The following SAMMSON variants were observed in gnomAD, a reference collection of about 807,000 sequenced individuals.
The protein encoded by SAMMSON is survival associated mitochondrial melanoma specific oncogenic non-coding RNA, also known as long intergenic non-protein coding RNA 1212.
rs529517376 is a variant in SAMMSON, at chr3:70,028,723, G to A, written n.417+15051G>A. Reference sequence around the variant, plus strand: ...AGAATTATTTCTTAGTCTAGGGGATGAAGCCTCTCCAAATATTTTCATTCT... The same window carrying A: ...AGAATTATTTCTTAGTCTAGGGGATAAAGCCTCTCCAAATATTTTCATTCT... On this transcript the variant is annotated intron_variant and non_coding_transcript_variant, in intron 3 of 9. Transcript: ENST00000642114. 2.6e-5 allele frequency among the ~76,000 whole-genome samples: 4 copies of A among 152,344 alleles called. No individual in the cohort carries two copies. In the South Asian group the frequency reaches 6.2e-4, roughly 24 times the overall value.
chr3:70,035,553 GT>G (rs1373700133), intron 3 of SAMMSON, among the ~76,000 whole-genome samples: 20 of 152,250 alleles, frequency 1.3e-4, no homozygotes, highest in Admixed American at 6.5e-4. Flanking sequence ...TTCAGCAAAT[GT>G]TATGCAACTC....
chr3:70,378,233 A>C (rs1358841917), intron 9 of SAMMSON, among the ~76,000 whole-genome samples: 1 of 151,886 alleles, frequency 6.6e-6, no homozygotes, highest in Non-Finnish European at 1.5e-5. Context: ...AATACAGTTA[A>C]ATAATGTCTC....
At chr3:70,213,886 C>T (rs1701377115) in intron 4 of SAMMSON, among the ~76,000 whole-genome samples, 1 of 151,914 alleles carries the variant, frequency 6.6e-6, no homozygotes, top group Non-Finnish European at 1.5e-5. Context: ...TGAAAACATA[C>T]TATGGCTGAA....
chr3:70,309,371 A>G (rs944356923), intron 7 of SAMMSON, among the ~76,000 whole-genome samples: 7 of 152,318 alleles, frequency 4.6e-5, no homozygotes, highest in South Asian at 2.1e-4. Flanking sequence ...GCTATTACCA[A>G]TGGTTCAAAG....
At chr3:70,004,702 G>T (rs929826908) in intron 1 of SAMMSON, among the ~76,000 whole-genome samples, 1 of 152,154 alleles carries the variant, frequency 6.6e-6, no homozygotes, top group Non-Finnish European at 1.5e-5. Flanking sequence ...CAACATAACT[G>T]CATTGGTCAC....
intron 4 of SAMMSON, among the ~76,000 whole-genome samples, chr3:70,109,432 GCAAATAGCA>G (rs1217513259): frequency 6.6e-6 from 1 of 152,084 alleles, no homozygotes; most frequent in African/African-American, 2.4e-5. Flanking sequence ...GCTAAAGTTG[GCAAATAGCA>G]CATACAGAGG....
chr3:70,298,391 C>T (rs974476589), intron 7 of SAMMSON, among the ~76,000 whole-genome samples: 1 of 152,014 alleles, frequency 6.6e-6, no homozygotes, highest in Non-Finnish European at 1.5e-5. Context: ...CCAACATCAA[C>T]GGGAAGATAT....
At chr3:70,401,412 C>A (rs1701139622) in intron 2 of SAMMSON, among the ~76,000 whole-genome samples, 1 of 152,102 alleles carries the variant, frequency 6.6e-6, no homozygotes, top group Admixed American at 6.6e-5. Context: ...AAGGCAATTA[C>A]TAGCATTTAA....
chr3:70,000,378 T>G (rs1163577584), intron 1 of SAMMSON, among the ~76,000 whole-genome samples: 2 of 152,208 alleles, frequency 1.3e-5, no homozygotes, highest in African/African-American at 4.8e-5. Flanking sequence ...AGAGATAAAG[T>G]TATTATTGTT....
At chr3:70,024,243 C>CT (rs560754760) in intron 3 of SAMMSON, among the ~76,000 whole-genome samples, 58 of 152,270 alleles carry the variant, frequency 3.8e-4, no homozygotes, top group African/African-American at 1.3e-3. Flanking sequence ...CCATTGCATG[C>CT]TTTTCACTGA....
intron 4 of SAMMSON, among the ~76,000 whole-genome samples, chr3:70,181,665 T>C (rs1398141291): frequency 6.6e-6 from 1 of 152,224 alleles, no homozygotes. Flanking sequence ...GAAAAGGACC[T>C]TCCTTCCTTG....
chr3:70,154,203 A>C (rs1458926284), intron 4 of SAMMSON, among the ~76,000 whole-genome samples: 1 of 151,964 alleles, frequency 6.6e-6, no homozygotes, highest in African/African-American at 2.4e-5. Context: ...CCATATCTTC[A>C]AGTATTATAA....
At chr3:70,007,082 A>G (rs1307089296) in intron 1 of SAMMSON, among the ~76,000 whole-genome samples, 1 of 152,008 alleles carries the variant, frequency 6.6e-6, no homozygotes, top group Non-Finnish European at 1.5e-5. Context: ...AGTCTTTGCT[A>G]TTGTGAATAG....
intron 9 of SAMMSON, among the ~76,000 whole-genome samples, chr3:70,377,787 G>T (rs1383447193): frequency 1.3e-5 from 2 of 151,934 alleles, no homozygotes; most frequent in African/African-American, 4.8e-5. Flanking sequence ...GTGAGCAAAA[G>T]GCAAGTGTGC....
At chr3:70,387,679 G>C (rs542769998) in intron 9 of SAMMSON, among the ~76,000 whole-genome samples, 1 of 151,978 alleles carries the variant, frequency 6.6e-6, no homozygotes, top group African/African-American at 2.4e-5. Flanking sequence ...TAACAATCAG[G>C]TCACACAGAG....
chr3:70,216,353 A>C (rs188520773), intron 4 of SAMMSON, among the ~76,000 whole-genome samples: 116 of 151,342 alleles, frequency 7.7e-4, no homozygotes, highest in Middle Eastern at 3.5e-3. Flanking sequence ...AGTGCTTCCT[A>C]GATGTCATTC....
chr3:70,251,008 A>T (rs1701761078), intron 6 of SAMMSON, among the ~76,000 whole-genome samples: 1 of 152,226 alleles, frequency 6.6e-6, no homozygotes, highest in Non-Finnish European at 1.5e-5. Flanking sequence ...ATTTTGTGAA[A>T]TCACCATTTA....
chr3:70,143,034 A>G (rs1427941158), intron 4 of SAMMSON, among the ~76,000 whole-genome samples: 1 of 152,194 alleles, frequency 6.6e-6, no homozygotes, highest in Non-Finnish European at 1.5e-5. Context: ...AACCACTTAA[A>G]GCCTCAAGCA....
chr3:70,350,121 A>G (rs1356856779), intron 7 of SAMMSON, among the ~76,000 whole-genome samples: 1 of 152,218 alleles, frequency 6.6e-6, no homozygotes, highest in African/African-American at 2.4e-5. Context: ...AGGCACTTAA[A>G]CAAAATTATC....
Sources: gnomAD v4.1 joint callset for allele counts (sites outside exome capture counted in the v4.1 genomes callset) on GRCh38, gnomAD v4.1.1 for gene constraint, MANE v1.5 for transcripts, NCBI Gene and HGNC (gene_info 2026-07-23, HGNC 2026-07-21) for gene names.